The following RANBP2 variants were observed in gnomAD, a reference collection of about 807,000 sequenced individuals.
The protein encoded by RANBP2 is E3 SUMO-protein ligase RanBP2.
A neutral mutation model predicts 303.6 loss-of-function variants in RANBP2; 57 were observed. The observed-to-expected ratio is 0.19, with a 90% CI of 0.15 to 0.23. The LOEUF (loss-of-function observed/expected upper bound fraction) is 0.23. Ranked by LOEUF, RANBP2 falls within the 10% of genes least tolerant of loss-of-function variation. The probability of loss-of-function intolerance (pLI) is 1.00; values close to 1 mark genes in which losing one functional copy is unlikely to be tolerated. For missense variants in RANBP2, 3,138 were observed against 3,780.8 expected, an observed-to-expected ratio of 0.83 and a Z score of 4.46; for synonymous variants, 1,167 against 1,301.5, an observed-to-expected ratio of 0.90 and a Z score of 2.23.
At chr2:109,400,430 G>A in the RANBP2 span, among the ~76,000 whole-genome samples, 1 of 151,670 alleles carries the variant, frequency 6.6e-6, no homozygotes, top group African/African-American at 2.4e-5. Flanking sequence ...GCACATATGT[G>A]CACTTATATG....
chr2:109,407,460 ATC>A, the RANBP2 span, among the ~76,000 whole-genome samples: 2 of 152,148 alleles, frequency 1.3e-5, no homozygotes, highest in African/African-American at 2.4e-5. Flanking sequence ...GGGTCTTATT[ATC>A]TCTGCCACAG....
chr2:108,896,095 G>A, the RANBP2 span: 1 of 152,170 alleles, frequency 6.6e-6, no homozygotes, highest in African/African-American at 2.4e-5. Flanking sequence ...CAGACCACAG[G>A]GTTCCCAGGC....
the RANBP2 span, among the ~76,000 whole-genome samples, chr2:109,712,038 G>A: frequency 1.3e-5 from 2 of 152,146 alleles, no homozygotes; most frequent in African/African-American, 4.8e-5. Context: ...TCCAGAGCTC[G>A]GGAAGAGGAT....
the RANBP2 span, among the ~76,000 whole-genome samples, chr2:109,601,821 C>T: frequency 4.0e-5 from 6 of 150,722 alleles, no homozygotes; most frequent in African/African-American, 1.5e-4. Flanking sequence ...ATTAAGTTTT[C>T]TAATACTCTA....
chr2:109,327,256 A>T, the RANBP2 span, among the ~76,000 whole-genome samples: 9 of 152,286 alleles, frequency 5.9e-5, no homozygotes, highest in African/African-American at 1.2e-4. Flanking sequence ...TTCTTTTTCC[A>T]TCTAGATAAC....
At chr2:109,647,664 T>G in the RANBP2 span, among the ~76,000 whole-genome samples, 1 of 150,808 alleles carries the variant, frequency 6.6e-6, no homozygotes, top group African/African-American at 2.4e-5. Flanking sequence ...GAGATGGGGT[T>G]TCACTATGTT....
At chr2:109,536,424 G>A in the RANBP2 span, among the ~76,000 whole-genome samples, 1 of 152,204 alleles carries the variant, frequency 6.6e-6, no homozygotes, top group Non-Finnish European at 1.5e-5. Context: ...TTTCAGACTT[G>A]CATGGAGGCC....
the RANBP2 span, among the ~76,000 whole-genome samples, chr2:109,198,233 A>C: frequency 2.6e-5 from 4 of 152,222 alleles, no homozygotes; most frequent in Non-Finnish European, 5.9e-5. Flanking sequence ...GAAGCAAACC[A>C]GCCAGCCAGC....
At chr2:109,100,542 G>A in the RANBP2 span, among the ~76,000 whole-genome samples, 13 of 152,130 alleles carry the variant, frequency 8.5e-5, no homozygotes, top group Admixed American at 6.6e-4. Context: ...CCAAGAAAGA[G>A]GAAGGAAACA....
At chr2:109,491,346 A>G in the RANBP2 span, among the ~76,000 whole-genome samples, 2 of 152,166 alleles carry the variant, frequency 1.3e-5, no homozygotes, top group Non-Finnish European at 2.9e-5. Flanking sequence ...CTTCCCTCGC[A>G]AGCCTCAACC....
the RANBP2 span, among the ~76,000 whole-genome samples, chr2:109,604,405 GAAAAGAAAGAAAGAA>G: frequency 2.0e-4 from 27 of 134,370 alleles, no homozygotes; most frequent in East Asian, 9.9e-4. Context: ...GGGGCGGGGA[GAAAAGAAAGAAAGAA>G]AAAAGAAAGA....
At chr2:109,686,357 C>T in the RANBP2 span, among the ~76,000 whole-genome samples, 1 of 152,198 alleles carries the variant, frequency 6.6e-6, no homozygotes. Flanking sequence ...CTCTGCCGCC[C>T]AGGCTGGAGT....
chr2:108,752,088 G>A (rs2149223838), intron 12 of RANBP2, 94 bp downstream of exon 12: 2 of 1,597,450 alleles, frequency 1.3e-6, no homozygotes, highest in South Asian at 1.1e-5. Context: ...TCTGAAAACA[G>A]CAGCTTGGTC....
At chr2:108,873,491 AT>A in the RANBP2 span, 1 of 1,607,326 alleles carries the variant, frequency 6.2e-7, no homozygotes, top group Non-Finnish European at 8.5e-7. Context: ...GCAACTCTTT[AT>A]TTTTTCGTAC....
At position 108,764,581 on chromosome 2, in the gene RANBP2, G is replaced by A. The variant is rs139246606; in HGVS notation, c.4042G>A (p.Val1348Ile). 29 of 1,613,934 alleles carry A rather than the reference G, an allele frequency of 1.8e-5. No individual in the cohort carries two copies. The African/African-American group carries it at 3.6e-4, about 20-fold the overall frequency. ...TGGAAACCTGAATTTTGAATTTCAGGTTGCAAAGAAAGAAGGGTCTTGGTG... is the reference window on the plus strand; with the variant it reads ...TGGAAACCTGAATTTTGAATTTCAGATTGCAAAGAAAGAAGGGTCTTGGTG... Reference protein sequence around the residue: ...DAGNLNFEFQVAKKEGSWWHC... With the variant: ...DAGNLNFEFQIAKKEGSWWHC... The change falls in exon 20 of 29, where the codon GTT (valine) becomes ATT (isoleucine). Residue 1348 changes from valine to isoleucine, a missense_variant. Physicochemically the swap from Val to Ile is conservative, Grantham distance 29. This residue lies in a region of RANBP2 where 388 missense variants were observed against 328.5 expected (regional missense o/e 1.18). Coordinates refer to ENST00000283195, the MANE Select transcript of RANBP2 (RefSeq NM_006267.5).
chr2:108,957,471 C>T, the RANBP2 span, among the ~76,000 whole-genome samples: 1 of 152,284 alleles, frequency 6.6e-6, no homozygotes, highest in East Asian at 1.9e-4. Context: ...ATCAAGTGGC[C>T]CCGGGCTCAT....
chr2:109,449,388 G>A, the RANBP2 span: 27 of 1,611,774 alleles, frequency 1.7e-5, 1 homozygote, highest in South Asian at 3.3e-5. Flanking sequence ...CGTCAGTGCC[G>A]CAAACCTCAA....
At chr2:108,720,962 T>C (rs1426782333) in intron 1 of RANBP2, among the ~76,000 whole-genome samples, 1 of 149,948 alleles carries the variant, frequency 6.7e-6, no homozygotes, top group Non-Finnish European at 1.5e-5. Flanking sequence ...GGCAGGAGAG[T>C]CGCTTGAACC....
chr2:109,042,533 T>A, the RANBP2 span, among the ~76,000 whole-genome samples: 1 of 152,152 alleles, frequency 6.6e-6, no homozygotes, highest in Non-Finnish European at 1.5e-5. Context: ...AAAAACACCA[T>A]TAGTCTATCA....
Sources: allele counts gnomAD v4.1 joint callset (sites outside exome capture counted in the v4.1 genomes callset), GRCh38; gene constraint gnomAD v4.1.1; regional missense constraint gnomAD v4.1.1; transcripts MANE v1.5; gene names NCBI Gene and HGNC (gene_info 2026-07-23, HGNC 2026-07-21).